The following SPATA13 variants were observed in gnomAD, a reference collection of about 807,000 sequenced individuals.
SPATA13 encodes the protein spermatogenesis associated 13, also known as spermatogenesis-associated protein 13.
SPATA13 carries 50 observed loss-of-function variants against 104.0 expected under a neutral mutation model. The ratio of observed to expected loss-of-function variants is 0.48; its 90% CI spans 0.38 to 0.61. SPATA13 has a LOEUF of 0.61. Among genes scored for constraint, SPATA13 ranks in the 20% least tolerant of loss-of-function variants. SPATA13 has a pLI of 0.00. For missense variants in SPATA13, 1,524 were observed against 1,690.6 expected, an observed-to-expected ratio of 0.90 and a Z score of 1.73; for synonymous variants, 606 against 667.5, an observed-to-expected ratio of 0.91 and a Z score of 1.42.
chr13:24,150,235 C>A (rs1445124925), intron 3 of SPATA13, among the ~76,000 whole-genome samples: 1 of 152,160 alleles, frequency 6.6e-6, no homozygotes, highest in Non-Finnish European at 1.5e-5. Context: ...CTCCAAACAC[C>A]CTGGGTTTCT....
intron 3 of SPATA13, among the ~76,000 whole-genome samples, chr13:24,113,921 C>T (rs1414313063): frequency 6.7e-6 from 1 of 148,534 alleles, no homozygotes; most frequent in Non-Finnish European, 1.5e-5. Flanking sequence ...ATATAAACAC[C>T]AACAGAAGTA....
chr13:24,306,212 T>A lies in SPATA13; in HGVS notation c.*3439T>A, dbSNP rs1877566856. The A allele has an allele frequency of 6.6e-6, 1 of 152,244 alleles. No individual in the cohort carries two copies. Among genetic ancestry groups the A allele is most frequent in the Non-Finnish European group, 1.5e-5 (1 of 68,036 alleles). 9.4% of individuals were successfully genotyped at this position (152,244 alleles called of 1,614,324 possible). A position where few individuals can be genotyped will look rare whatever the true frequency, so the allele number is the denominator to read the frequency against. On this transcript the variant is annotated 3_prime_UTR_variant, in exon 13 of 13. Coordinates refer to ENST00000382108, the MANE Select transcript of SPATA13 (RefSeq NM_001166271.3). ...AGCAAAGTGCATTTAATTCAAAATT[T>A]GGTTCACAATATAAGTATTTTGTAA...
exon 3 of SPATA13, chr13:24,017,696 A>C: frequency 2.0e-6 from 2 of 985,316 alleles, no homozygotes; most frequent in Non-Finnish European, 2.4e-6. Flanking sequence ...CTGGTGCAGA[A>C]ACTCGGTAAG....
chr13:24,149,119 A>C (rs1882023690), intron 3 of SPATA13, among the ~76,000 whole-genome samples: 1 of 152,212 alleles, frequency 6.6e-6, no homozygotes. Flanking sequence ...GGGGCAGATG[A>C]AAGAGGCGTC....
intron 3 of SPATA13, among the ~76,000 whole-genome samples, chr13:24,103,358 C>A (rs1368766953): frequency 6.6e-6 from 1 of 151,664 alleles, no homozygotes; most frequent in Non-Finnish European, 1.5e-5. Context: ...CGGTGGCTTG[C>A]ACCTTAATCT....
intron 10 of SPATA13, among the ~76,000 whole-genome samples, chr13:24,295,558 G>T (rs1415699495): frequency 2.0e-5 from 3 of 152,116 alleles, no homozygotes; most frequent in Non-Finnish European, 4.4e-5. Context: ...GCTGCAGTGA[G>T]CCGTGATCGT....
At chr13:24,199,239 C>T (rs770171721) in intron 1 of SPATA13, among the ~76,000 whole-genome samples, 16 of 152,270 alleles carry the variant, frequency 1.1e-4, no homozygotes, top group Non-Finnish European at 1.5e-4. Flanking sequence ...TGGAATCCAG[C>T]ACCCACGCCA....
chr13:24,173,370 GTGT>G (rs1186046687), intron 1 of SPATA13, among the ~76,000 whole-genome samples: 3 of 59,168 alleles, frequency 5.1e-5, no homozygotes, highest in African/African-American at 1.1e-4. Flanking sequence ...AGTTGTGTGT[GTGT>G]GTGTGTGTGT....
Position 24,224,141 on chromosome 13 carries a change from C to T in SPATA13, c.1212C>T (p.Asp404=), listed in dbSNP as rs901107538. The part of the protein sequence containing the change: ...GSATSKGPHL[D]ADTAVFPLET... ...CCACCTCTAAGGGGCCCCACCTAGA[C>T]GCTGACACTGCCGTATTTCCTCTTG... is the stretch of plus-strand genomic sequence containing the variant. The change falls in exon 2 of 13, where the codon GAC becomes GAT. Residue 404 remains aspartate (D), a synonymous_variant. Transcript: ENST00000382108. 2.8e-5 allele frequency: 44 copies of T among 1,551,670 alleles called. No homozygotes were observed. Among genetic ancestry groups the T allele is most frequent in the African/African-American group, 1.5e-4 (11 of 73,058 alleles).
chr13:24,164,388 T>C (rs923203571), intron 1 of SPATA13, among the ~76,000 whole-genome samples: 1 of 152,196 alleles, frequency 6.6e-6, no homozygotes, highest in African/African-American at 2.4e-5. Flanking sequence ...TGCAGGGTAT[T>C]GTTGAATTGT....
chr13:24,131,142 G>A (rs1340332537), intron 3 of SPATA13, among the ~76,000 whole-genome samples: 1 of 152,224 alleles, frequency 6.6e-6, no homozygotes, highest in African/African-American at 2.4e-5. Flanking sequence ...GCTTTGAACA[G>A]TAGCTGTATT....
chr13:24,083,744 G>C (rs1879622938), intron 3 of SPATA13, among the ~76,000 whole-genome samples: 1 of 152,328 alleles, frequency 6.6e-6, no homozygotes, highest in Non-Finnish European at 1.5e-5. Context: ...TGCACTTGCT[G>C]GTTTGAAACA....
chr13:24,152,514 C>G (rs181611219), intron 3 of SPATA13, among the ~76,000 whole-genome samples: 38 of 152,340 alleles, frequency 2.5e-4, no homozygotes, highest in Non-Finnish European at 2.5e-4. Flanking sequence ...GGGAGGTCCT[C>G]CCCAGTGAGG....
Position 24,306,646 on chromosome 13 carries a change from A to G in SPATA13, c.*3873A>G, listed in dbSNP as rs1245563850. The G allele has an allele frequency of 6.6e-6, 1 of 152,264 alleles. No individual in the cohort carries two copies. Among genetic ancestry groups the G allele is most frequent in the Non-Finnish European group, 1.5e-5 (1 of 68,044 alleles). The allele number at this position is 152,264 out of a possible 1,614,324, so 9.4% of individuals were successfully genotyped here. A position where few individuals can be genotyped will look rare whatever the true frequency, so the allele number is the denominator to read the frequency against. ...ATGACTGATCTTGAAAAAAAAAGCA[A>G]AAGCTTAAATATTTGATACAAGTTT... On this transcript the variant is annotated 3_prime_UTR_variant, in exon 13 of 13. Transcript: ENST00000382108.
chr13:24,122,717 C>A, intron 3 of SPATA13: 1 of 906,994 alleles, frequency 1.1e-6, no homozygotes, highest in South Asian at 1.3e-5. Flanking sequence ...GAAGGAGGAG[C>A]ATCATATCTG....
Position 24,189,658 on chromosome 13 carries a change from T to G in SPATA13, c.-112+28726T>G, listed in dbSNP as rs1341533329. Among the ~76,000 whole-genome samples the G allele has an allele frequency of 2.0e-4, 2 of 9,896 alleles. 1 individual carries two copies. Among genetic ancestry groups the G allele is most frequent in the Non-Finnish European group, 1.5e-3 (2 of 1,346 alleles). 6.5% of individuals were successfully genotyped at this position (9,896 alleles called of 152,430 possible). On this transcript the variant is annotated intron_variant, in intron 1 of 12. Transcript: ENST00000382108. ...ATATATTTATATATATATTATATAT[T>G]ATATATTTATATATTATATATATTT...
chr13:24,026,333 G>A (rs1371694232), intron 3 of SPATA13, among the ~76,000 whole-genome samples: 1 of 152,136 alleles, frequency 6.6e-6, no homozygotes, highest in Non-Finnish European at 1.5e-5. Flanking sequence ...TTCACATGAA[G>A]AGCAGATGAA....
chr13:24,284,295 A>G lies in SPATA13; in HGVS notation c.2301+24A>G, dbSNP rs768042296. 5.0e-6 allele frequency: 8 copies of G among 1,607,812 alleles called. No homozygotes were observed. The South Asian group carries it at 8.8e-5, about 18-fold the overall frequency. Reference sequence around the variant, plus strand: ...AGGTACTGGAATTCCACACGACAGTAGTGGATACGGGATACCTGATTTTCA... The same window carrying G: ...AGGTACTGGAATTCCACACGACAGTGGTGGATACGGGATACCTGATTTTCA... On this transcript the variant is annotated intron_variant, in intron 5 of 12. Coordinates refer to ENST00000382108, the MANE Select transcript of SPATA13 (RefSeq NM_001166271.3).
upstream of SPATA13, among the ~76,000 whole-genome samples, chr13:24,158,869 C>A (rs754762625): frequency 6.6e-6 from 1 of 152,088 alleles, no homozygotes; most frequent in South Asian, 2.1e-4. Context: ...CTCAAGGATG[C>A]GGGGGTCTTC....
Sources: allele counts gnomAD v4.1 joint callset (sites outside exome capture counted in the v4.1 genomes callset), GRCh38; gene constraint gnomAD v4.1.1; transcripts MANE v1.5; gene names NCBI Gene and HGNC (gene_info 2026-07-23, HGNC 2026-07-21).